Variants in TMEM229B observed in about 807,000 individuals in gnomAD.
TMEM229B encodes chromosome 14 open reading frame 83.
Under a neutral mutation model 13.7 loss-of-function variants are expected in TMEM229B, and 6 were observed. That is an observed-to-expected ratio of 0.44 (90% CI 0.24 to 0.86). The LOEUF is 0.86. TMEM229B is among the 40% of genes least tolerant of loss of function. TMEM229B has a pLI of 0.23. For missense variants in TMEM229B, 170 were observed against 236.0 expected, an observed-to-expected ratio of 0.72 and a Z score of 1.83; for synonymous variants, 107 against 102.1, an observed-to-expected ratio of 1.05 and a Z score of -0.29.
chr14:67,486,174 T>C (rs778471304), intron 2 of TMEM229B, among the ~76,000 whole-genome samples: 9 of 152,218 alleles, frequency 5.9e-5, no homozygotes, highest in Non-Finnish European at 1.2e-4. Flanking sequence ...ATTTCCACCA[T>C]GTTGTGGGAG....
At chr14:67,475,051 G>A (rs2140042818) in intron 2 of TMEM229B, among the ~76,000 whole-genome samples, 1 of 152,000 alleles carries the variant, frequency 6.6e-6, no homozygotes, top group East Asian at 1.9e-4. Context: ...GAGTAGCTGG[G>A]ACTACAGGCA....
chr14:67,508,494 C>T (rs75234868), intron 1 of TMEM229B, among the ~76,000 whole-genome samples: 1,686 of 152,176 alleles, frequency 0.011, 18 homozygotes, highest in East Asian at 0.073. Flanking sequence ...CACACTGTTC[C>T]ATCATACAGC....
intron 1 of TMEM229B, among the ~76,000 whole-genome samples, chr14:67,504,314 TCA>T (rs2032735995): frequency 6.6e-6 from 1 of 152,224 alleles, no homozygotes; most frequent in South Asian, 2.1e-4. Flanking sequence ...GTGCCCAGGC[TCA>T]GTTTGTTTGT....
At chr14:67,480,455 C>T (rs529613957) in intron 2 of TMEM229B, among the ~76,000 whole-genome samples, 42 of 152,208 alleles carry the variant, frequency 2.8e-4, no homozygotes, top group African/African-American at 9.4e-4. Context: ...AGAGCCAGCC[C>T]GAGGGGCAGA....
At chr14:67,523,382 G>A (rs990288225) in intron 1 of TMEM229B, among the ~76,000 whole-genome samples, 5 of 151,700 alleles carry the variant, frequency 3.3e-5, no homozygotes, top group African/African-American at 7.3e-5. Context: ...TACAGTGCTA[G>A]GGAAAAAAAG....
chr14:67,488,203 G>A (rs1672571903), intron 1 of TMEM229B, among the ~76,000 whole-genome samples: 1 of 152,230 alleles, frequency 6.6e-6, no homozygotes, highest in East Asian at 1.9e-4. Context: ...GGTCTGTGCT[G>A]ATGCCCATGT....
In TMEM229B at chr14:67,473,427, G is replaced by A; in HGVS notation, c.497C>T (p.Thr166Ile). ...CCCCCACCCGCTTCCTGCTCAGTCA[G>A]TCTTGACATGGCCGTTGGCCAGGGC... The part of the protein sequence containing the change: ...ALALANGHVK[T>I]D Residue 166 changes from threonine (T) to isoleucine (I), a missense_variant, in exon 3 of 3, where the codon ACT becomes ATT. Physicochemically the swap from Thr to Ile is moderately conservative, Grantham distance 89. Around this residue, in one of 4 missense-constraint regions of TMEM229B, gnomAD observed 70 missense variants for 60.9 expected, o/e 1.15. Transcript: ENST00000554480. This position sits in a 1 kb window ranked among gnomAD's most constrained non-coding sequence, Gnocchi z 6.5. 6.2e-7 allele frequency: 1 copy of A among 1,613,916 alleles called. No individual in the cohort carries two copies. Among genetic ancestry groups the A allele is most frequent in the Non-Finnish European group, 8.5e-7 (1 of 1,179,926 alleles).
intron 1 of TMEM229B, among the ~76,000 whole-genome samples, chr14:67,495,776 G>A (rs1374425569): frequency 6.6e-6 from 1 of 151,694 alleles, no homozygotes; most frequent in Admixed American, 6.6e-5. Flanking sequence ...GAGCCACCAT[G>A]CCCAGCCAGC....
chr14:67,508,760 A>AAAAAAAAAAAAAAAAAAAC, intron 1 of TMEM229B, among the ~76,000 whole-genome samples: 1 of 149,654 alleles, frequency 6.7e-6, no homozygotes, highest in Non-Finnish European at 1.5e-5. Flanking sequence ...TCTCAAAAAA[A>AAAAAAAAAAAAAAAAAAAC]AAAAAAAAAA....
chr14:67,519,275 T>C (rs10873204), upstream of TMEM229B, among the ~76,000 whole-genome samples: 53,272 of 152,094 alleles, frequency 0.35, 10,233 homozygotes, highest in East Asian at 0.43. Context: ...AGAAATTTCA[T>C]TGGAAAAGAA....
At position 67,473,286 on chromosome 14, in the gene TMEM229B, G is replaced by A. The variant is rs958279984; in HGVS notation, c.*134C>T. On this transcript the variant is annotated 3_prime_UTR_variant, in exon 3 of 3. Transcript: ENST00000554480. The surrounding 1 kb of genome is among the most constrained non-coding windows in gnomAD (Gnocchi z 6.5). Reference sequence around the variant, plus strand: ...CACCGGCCCCCGCGGACGTTAGGGGGCTCTGTGTGCCCTATAGGGCTGAGG... The same window carrying A: ...CACCGGCCCCCGCGGACGTTAGGGGACTCTGTGTGCCCTATAGGGCTGAGG... 32 of 1,264,492 alleles carry A rather than the reference G, an allele frequency of 2.5e-5. No individual in the cohort carries two copies. In the Admixed American group the frequency reaches 7.4e-4, roughly 29 times the overall value. 78.3% of individuals were successfully genotyped at this position (1,264,492 alleles called of 1,614,324 possible).
At chr14:67,500,956 T>C (rs2032584887) in intron 1 of TMEM229B, among the ~76,000 whole-genome samples, 1 of 151,646 alleles carries the variant, frequency 6.6e-6, no homozygotes, top group Non-Finnish European at 1.5e-5. Flanking sequence ...AGCTGCATCA[T>C]CTTCCAGATG....
At chr14:67,515,304 C>G (rs1216044960) in exon 1 of TMEM229B, 1 of 153,410 alleles carries the variant, frequency 6.5e-6, no homozygotes, top group Non-Finnish European at 1.4e-5. Flanking sequence ...CGCCGCCTGG[C>G]ACTCCCGCGC....
rs754052493 is a variant in TMEM229B at position 67,473,609 on chromosome 14, G to A, written c.315C>T (p.Tyr105=). ...CCATGAAGTCAAAGTCGAACTGGGA[G>A]TAGTCCCAGGGGCAGGCGTTGAACT... ...LRQFNACPWD[Y]SQFDFDFMGL... The change falls in exon 3 of 3, where the codon TAC becomes TAT. Residue 105 remains tyrosine, a synonymous_variant. Transcript: ENST00000554480. This position sits in a 1 kb window ranked among gnomAD's most constrained non-coding sequence, Gnocchi z 6.5. 19 of 1,599,286 alleles carry A rather than the reference G, an allele frequency of 1.2e-5. No individual in the cohort carries two copies. The Admixed American group carries it at 3.4e-4, about 28-fold the overall frequency.
At chr14:67,522,852 A>G (rs995322871) in intron 1 of TMEM229B, among the ~76,000 whole-genome samples, 1 of 152,232 alleles carries the variant, frequency 6.6e-6, no homozygotes, top group African/African-American at 2.4e-5. Context: ...TGGACCTGCT[A>G]GAACCCTGCC....
At chr14:67,495,476 A>G (rs1014131362) in intron 1 of TMEM229B, among the ~76,000 whole-genome samples, 1 of 150,222 alleles carries the variant, frequency 6.7e-6, no homozygotes, top group African/African-American at 2.4e-5. Flanking sequence ...GTTAAATCAC[A>G]GCCTTCTGGA....
intron 1 of TMEM229B, among the ~76,000 whole-genome samples, chr14:67,530,189 A>G (rs2033424201): frequency 6.6e-6 from 1 of 152,270 alleles, no homozygotes; most frequent in South Asian, 2.1e-4. Context: ...CAAAGAATAA[A>G]TAACAAAAGC....
At chr14:67,493,774 C>T (rs933157389) in intron 1 of TMEM229B, among the ~76,000 whole-genome samples, 4 of 152,154 alleles carry the variant, frequency 2.6e-5, no homozygotes, top group African/African-American at 4.8e-5. Context: ...ACAGAGACCA[C>T]AAAAGAGGCA....
At chr14:67,502,982 G>A (rs2032672874) in intron 1 of TMEM229B, among the ~76,000 whole-genome samples, 1 of 152,076 alleles carries the variant, frequency 6.6e-6, no homozygotes, top group Admixed American at 6.6e-5. Context: ...AAACTGAAGG[G>A]ATATCATCCG....
Sources: allele counts gnomAD v4.1 joint callset (sites outside exome capture counted in the v4.1 genomes callset), GRCh38; gene constraint gnomAD v4.1.1; regional missense constraint gnomAD v4.1.1; non-coding constraint Gnocchi (gnomAD v3.1); transcripts MANE v1.5; gene names NCBI Gene and HGNC (gene_info 2026-07-23, HGNC 2026-07-21).